IKZF1: variants seen among roughly 807,000 people sequenced by gnomAD.
The protein encoded by IKZF1 is DNA-binding protein Ikaros.
In IKZF1, 10 loss-of-function variants were observed where a neutral mutation model predicts 51.7. The ratio of observed to expected loss-of-function variants is 0.19; its 90% CI spans 0.12 to 0.33. IKZF1 has a LOEUF of 0.33. Among genes scored for constraint, IKZF1 ranks in the 10% least tolerant of loss-of-function variants. The probability of loss-of-function intolerance (pLI) is 1.00; values close to 1 mark genes in which losing one functional copy is unlikely to be tolerated. For synonymous variants in IKZF1, 280 were observed against 282.3 expected, an observed-to-expected ratio of 0.99 and a Z score of 0.08; for missense variants, 484 against 707.5, an observed-to-expected ratio of 0.68 and a Z score of 3.58.
At chr7:50,399,831 C>T in intron 7 of IKZF1, 87 bp from the exon 8 acceptor site, 2 of 1,506,544 alleles carry the variant, frequency 1.3e-6, no homozygotes, top group Non-Finnish European at 1.8e-6. Flanking sequence ...CCTTCCCCTC[C>T]CCGGTTGTAG....
intron 3 of IKZF1, among the ~76,000 whole-genome samples, chr7:50,374,120 T>C (rs1809537274): frequency 6.6e-6 from 1 of 152,174 alleles, no homozygotes. Context: ...TCCCAGTTAA[T>C]TCATTTCATT....
In IKZF1 at chr7:50,362,724, A is replaced by AT. The variant is rs1562830131; in HGVS notation, c.161-13802dup. Among the ~76,000 whole-genome samples the AT allele has an allele frequency of 2.6e-5, 4 of 151,954 alleles. No homozygotes were observed. The South Asian group carries it at 8.3e-4, about 32-fold the overall frequency. On this transcript the variant is annotated intron_variant, in intron 3 of 7. Transcript: ENST00000331340. The stretch of plus-strand genomic sequence containing the variant: ...GGAGATTTTGACACAGGACTGGAGG[A>AT]TTTTTTTCTCATCGTAACAGTGCAG...
In IKZF1 at chr7:50,400,375, C is replaced by T. The variant is rs774181360; in HGVS notation, c.1308C>T (p.Asp436=). 5.0e-6 allele frequency: 8 copies of T among 1,613,194 alleles called. No individual in the cohort carries two copies. Among genetic ancestry groups the T allele is most frequent in the South Asian group, 1.1e-5 (1 of 91,054 alleles). The change falls in exon 8 of 8, where the codon GAC becomes GAT. Residue 436 remains aspartate (D), a synonymous_variant. Coordinates refer to ENST00000331340, the MANE Select transcript of IKZF1 (RefSeq NM_006060.6). The surrounding 1 kb of genome is among the most constrained non-coding windows in gnomAD (Gnocchi z 5.4). The part of the protein sequence containing the change: ...LSLKEEHRAY[D]LLRAASENSQ... ...TCAAGGAGGAGCACCGCGCCTACGA[C>T]CTGCTGCGCGCCGCCTCCGAGAACT...
At chr7:50,342,621 A>G (rs1260198819) in intron 3 of IKZF1, among the ~76,000 whole-genome samples, 1 of 151,920 alleles carries the variant, frequency 6.6e-6, no homozygotes, top group Non-Finnish European at 1.5e-5. Flanking sequence ...TGATAAAGCA[A>G]CCGAGGAGAG....
In IKZF1 at chr7:50,404,218, G is replaced by C. The variant is rs1818618802; in HGVS notation, c.*3591G>C. The C allele has an allele frequency of 9.2e-6, 2 of 216,668 alleles. No individual in the cohort carries two copies. The highest frequency in any genetic ancestry group is 9.3e-6 in the Non-Finnish European group (1 of 107,358). The allele number at this position is 216,668 out of a possible 1,614,324, so 13.4% of individuals were successfully genotyped here. On this transcript the variant is annotated 3_prime_UTR_variant, in exon 8 of 8. Coordinates refer to ENST00000331340, the MANE Select transcript of IKZF1 (RefSeq NM_006060.6). ...GTTCAGGTCGAATCTGTTGTATCCA[G>C]TACAGCTTTAGGTCTTCAGCTGCCC...
intron 1 of IKZF1, among the ~76,000 whole-genome samples, chr7:50,313,318 A>G (rs1165391638): frequency 6.6e-6 from 1 of 152,224 alleles, no homozygotes; most frequent in Non-Finnish European, 1.5e-5. Flanking sequence ...ACTCCCTTCA[A>G]TATAAGCATC....
intron 1 of IKZF1, among the ~76,000 whole-genome samples, chr7:50,310,778 G>A (rs1000391640): frequency 1.3e-5 from 2 of 152,168 alleles, no homozygotes; most frequent in Non-Finnish European, 2.9e-5. Context: ...ATTCTTAAAT[G>A]ATGTTCTTTT....
chr7:50,383,200 G>T (rs7384494), intron 5 of IKZF1, among the ~76,000 whole-genome samples: 5,515 of 152,224 alleles, frequency 0.036, 410 homozygotes, highest in East Asian at 0.19. Context: ...ACTGAGCCCC[G>T]TGTGGCTCTC....
chr7:50,403,136 T>C lies in IKZF1; in HGVS notation c.*2509T>C, dbSNP rs1359407160. The C allele has an allele frequency of 9.0e-6, 2 of 221,542 alleles. No individual in the cohort carries two copies. Among genetic ancestry groups the C allele is most frequent in the African/African-American group, 2.2e-5 (1 of 44,638 alleles). 13.7% of individuals were successfully genotyped at this position (221,542 alleles called of 1,614,324 possible). A position where few individuals can be genotyped will look rare whatever the true frequency, so the allele number is the denominator to read the frequency against. On this transcript the variant is annotated 3_prime_UTR_variant, in exon 8 of 8. Coordinates refer to ENST00000331340, the MANE Select transcript of IKZF1 (RefSeq NM_006060.6). ...CACTGCCTTTTATAGCCAATATAAATGTCTCTTTGCACACCTTTTGTTGTG... is the reference window on the plus strand; with the variant it reads ...CACTGCCTTTTATAGCCAATATAAACGTCTCTTTGCACACCTTTTGTTGTG...
At chr7:50,335,277 GTGTATA>G (rs1797395065) in intron 3 of IKZF1, among the ~76,000 whole-genome samples, 1 of 149,222 alleles carries the variant, frequency 6.7e-6, no homozygotes, top group African/African-American at 2.5e-5. Context: ...GATGTGTGGT[GTGTATA>G]TGTGTTGTGT....
intron 3 of IKZF1, among the ~76,000 whole-genome samples, chr7:50,371,266 T>C (rs1186092786): frequency 6.6e-6 from 1 of 152,152 alleles, no homozygotes; most frequent in Non-Finnish European, 1.5e-5. Flanking sequence ...TGCCAGTCAT[T>C]CCTTCCCAAC....
chr7:50,324,485 C>G lies in IKZF1; in HGVS notation c.41-3153C>G, dbSNP rs145615785. Reference sequence around the variant, plus strand: ...GACTGATTTTTTATTCTCCCTTCTCCCCATGTGGTTTCTTCTGCATAGAGA... The same window carrying G: ...GACTGATTTTTTATTCTCCCTTCTCGCCATGTGGTTTCTTCTGCATAGAGA... On this transcript the variant is annotated intron_variant, in intron 2 of 7. Transcript: ENST00000331340. Among the ~76,000 whole-genome samples, 477 of 152,232 alleles carry G rather than the reference C, an allele frequency of 3.1e-3. 2 individuals carry two copies. The highest frequency in any genetic ancestry group is 0.011 in the African/African-American group (443 of 41,516).
At chr7:50,337,309 G>T (rs1204292088) in intron 3 of IKZF1, among the ~76,000 whole-genome samples, 2 of 152,172 alleles carry the variant, frequency 1.3e-5, no homozygotes, top group African/African-American at 2.4e-5. Context: ...GAATAGAAAG[G>T]ATTAAAATCT....
chr7:50,365,311 G>A (rs1357730280), intron 3 of IKZF1, among the ~76,000 whole-genome samples: 2 of 152,180 alleles, frequency 1.3e-5, no homozygotes, highest in East Asian at 1.9e-4. Flanking sequence ...AAGGGTGAGC[G>A]CTTATCAATT....
chr7:50,350,847 G>A (rs939940294), intron 3 of IKZF1, among the ~76,000 whole-genome samples: 7 of 152,280 alleles, frequency 4.6e-5, no homozygotes, highest in Non-Finnish European at 5.9e-5. Flanking sequence ...TTATCCCTGC[G>A]TGCTGGCTTG....
chr7:50,346,343 G>A (rs1007379585), intron 3 of IKZF1, among the ~76,000 whole-genome samples: 6 of 152,220 alleles, frequency 3.9e-5, no homozygotes, highest in African/African-American at 1.2e-4. Context: ...AGCACTGATT[G>A]TTACAAAAGC....
intron 2 of IKZF1, among the ~76,000 whole-genome samples, chr7:50,326,668 A>T (rs1348908995): frequency 6.6e-6 from 1 of 152,138 alleles, no homozygotes; most frequent in African/African-American, 2.4e-5. Context: ...GTAAAACCCG[A>T]TTTCATTTTG....
At chr7:50,335,640 G>C (rs938092533) in intron 3 of IKZF1, among the ~76,000 whole-genome samples, 16 of 151,330 alleles carry the variant, frequency 1.1e-4, no homozygotes, top group East Asian at 1.9e-4. Flanking sequence ...TGTGTGGTGT[G>C]TATGGGATGT....
intron 3 of IKZF1, among the ~76,000 whole-genome samples, chr7:50,347,265 C>A (rs1200160450): frequency 6.6e-6 from 1 of 152,098 alleles, no homozygotes; most frequent in Non-Finnish European, 1.5e-5. Context: ...GCCTACTAAT[C>A]TGTTAAAATA....
Sources: allele counts gnomAD v4.1 joint callset (sites outside exome capture counted in the v4.1 genomes callset), GRCh38; gene constraint gnomAD v4.1.1; non-coding constraint Gnocchi (gnomAD v3.1); transcripts MANE v1.5; gene names NCBI Gene and HGNC (gene_info 2026-07-23, HGNC 2026-07-21).